ZNF382: variants seen among roughly 807,000 people sequenced by gnomAD.
The protein encoded by ZNF382 is zinc finger protein 382, also known as KRAB/zinc finger suppressor protein 1.
In ZNF382, 20 loss-of-function variants were observed where a neutral mutation model predicts 38.8. The observed-to-expected ratio is 0.51, with a 90% confidence interval of 0.36 to 0.75. The LOEUF (loss-of-function observed/expected upper bound fraction) is 0.75, where lower values mean the gene tolerates loss of function less well. Ranked by LOEUF, ZNF382 falls within the 30% of genes least tolerant of loss-of-function variation. The probability of loss-of-function intolerance (pLI) is 0.00; values close to 1 mark genes in which losing one functional copy is unlikely to be tolerated. For missense variants in ZNF382, 546 were observed against 654.1 expected, an observed-to-expected ratio of 0.83 and a Z score of 1.80; for synonymous variants, 202 against 223.1, an observed-to-expected ratio of 0.91 and a Z score of 0.84.
chr19:36,606,794 C>T lies in ZNF382; in HGVS notation c.-84-758C>T, dbSNP rs372382086. On this transcript the variant is annotated intron_variant, in intron 1 of 4. Coordinates refer to ENST00000292928, the MANE Select transcript of ZNF382 (RefSeq NM_032825.5). ...TGTAGTAATTAAAATAGTTATTTTG[C>T]GGGCCTGGTGCAGTGACTGATGCCT... Among the ~76,000 whole-genome samples, 23 of 152,052 alleles carry T rather than the reference C, an allele frequency of 1.5e-4. 1 individual carries two copies. Among genetic ancestry groups the T allele is most frequent in the African/African-American group, 4.1e-4 (17 of 41,492 alleles).
intron 4 of ZNF382, among the ~76,000 whole-genome samples, chr19:36,617,522 A>G (rs1259197243): frequency 6.6e-6 from 1 of 152,168 alleles, no homozygotes; most frequent in African/African-American, 2.4e-5. Flanking sequence ...GGGTCCAATA[A>G]TCAATCTGTT....
At position 36,632,665 on chromosome 19, in the gene ZNF382, T is replaced by G. The variant is rs1275966663; in HGVS notation, c.*5115T>G. 2.0e-5 allele frequency: 3 copies of G among 152,352 alleles called. No homozygotes were observed. The East Asian group carries it at 5.8e-4, about 29-fold the overall frequency. 9.4% of individuals were successfully genotyped at this position (152,352 alleles called of 1,614,324 possible). On this transcript the variant is annotated 3_prime_UTR_variant, in exon 5 of 5. Transcript: ENST00000292928. ...TACCTTGTATAGCTCACTGGCCTTATCCCAACCAAGAGTCAGAGCCAGACA... is the reference window on the plus strand; with the variant it reads ...TACCTTGTATAGCTCACTGGCCTTAGCCCAACCAAGAGTCAGAGCCAGACA...
Position 36,627,693 on chromosome 19 carries a change from C to A in ZNF382, c.*143C>A. 1.8e-6 allele frequency: 1 copy of A among 561,546 alleles called. No homozygotes were observed. The highest frequency in any genetic ancestry group is 3.1e-6 in the Non-Finnish European group (1 of 320,320). 34.8% of individuals were successfully genotyped at this position (561,546 alleles called of 1,614,324 possible). A position where few individuals can be genotyped will look rare whatever the true frequency, so the allele number is the denominator to read the frequency against. Reference sequence around the variant, plus strand: ...TGCCAGCCTGTAAAACACACACACACACACACACACACACACAAATATTAT... The same window carrying A: ...TGCCAGCCTGTAAAACACACACACAAACACACACACACACACAAATATTAT... On this transcript the variant is annotated 3_prime_UTR_variant, in exon 5 of 5. Coordinates refer to ENST00000292928, the MANE Select transcript of ZNF382 (RefSeq NM_032825.5).
chr19:36,616,594 G>A (rs905042553), intron 4 of ZNF382, among the ~76,000 whole-genome samples: 1 of 152,160 alleles, frequency 6.6e-6, no homozygotes, highest in Admixed American at 6.5e-5. Flanking sequence ...ATGGAACAAG[G>A]TTAGCTGTTC....
chr19:36,623,063 T>C (rs1014987439), intron 4 of ZNF382, among the ~76,000 whole-genome samples: 3 of 152,144 alleles, frequency 2.0e-5, no homozygotes, highest in Non-Finnish European at 4.4e-5. Flanking sequence ...CTCTATTTGG[T>C]TATAATCATT....
At chr19:36,606,493 C>G (rs2037028190) in intron 1 of ZNF382, among the ~76,000 whole-genome samples, 1 of 151,852 alleles carries the variant, frequency 6.6e-6, no homozygotes. Flanking sequence ...GTAGCTGGGA[C>G]TACAGGCTTG....
chr19:36,626,162 A>C lies in ZNF382; in HGVS notation c.265A>C (p.Lys89Gln). Residue 89 changes from lysine to glutamine, a missense_variant, in exon 5 of 5, where the codon AAG (lysine) becomes CAG (glutamine). Coordinates refer to ENST00000292928, the MANE Select transcript of ZNF382 (RefSeq NM_032825.5). ...TGGGAAAACTGAAGATGTCTTAGTGAAGTTCAAAGAATACCAAGACAGGCA... is the reference window on the plus strand; with the variant it reads ...TGGGAAAACTGAAGATGTCTTAGTGCAGTTCAAAGAATACCAAGACAGGCA... Reference protein sequence around the residue: ...EDGKTEDVLVKFKEYQDRHSR... With the variant: ...EDGKTEDVLVQFKEYQDRHSR... 1 of 1,562,244 alleles carries C rather than the reference A, an allele frequency of 6.4e-7. No individual in the cohort carries two copies. The highest frequency in any genetic ancestry group is 8.6e-7 in the Non-Finnish European group (1 of 1,161,466).
chr19:36,606,608 G>A (rs987937857), intron 1 of ZNF382, among the ~76,000 whole-genome samples: 13 of 139,328 alleles, frequency 9.3e-5, no homozygotes, highest in South Asian at 6.9e-4. Context: ...CCCTCCCCCC[G>A]CCCCCTCGGC....
chr19:36,619,396 C>T (rs558985271), intron 4 of ZNF382, among the ~76,000 whole-genome samples: 3 of 152,228 alleles, frequency 2.0e-5, no homozygotes, highest in Admixed American at 1.3e-4. Flanking sequence ...GTGTCTTGTT[C>T]CGATGCTTAT....
chr19:36,626,456 A>C lies in ZNF382; in HGVS notation c.559A>C (p.Lys187Gln). The C allele has an allele frequency of 3.7e-6, 6 of 1,604,738 alleles. No individual in the cohort carries two copies. Among genetic ancestry groups the C allele is most frequent in the Non-Finnish European group, 5.1e-6 (6 of 1,177,374 alleles). ...EKIHPAVNLH[K>Q]QTERVLSGKQ... ...AATTCATCCTGCAGTGAATCTCCAT[A>C]AACAAACAGAAAGAGTTCTCAGTGG... The change falls in exon 5 of 5, where the codon AAA becomes CAA. Residue 187 changes from lysine (K) to glutamine (Q), a missense_variant. Coordinates refer to ENST00000292928, the MANE Select transcript of ZNF382 (RefSeq NM_032825.5).
chr19:36,613,076 C>T (rs559088645), intron 4 of ZNF382, among the ~76,000 whole-genome samples: 59 of 152,324 alleles, frequency 3.9e-4, no homozygotes, highest in African/African-American at 1.4e-3. Flanking sequence ...CAGGCGTGAG[C>T]CACTGCACCT....
rs1438688733 is a variant in ZNF382 at position 36,627,859 on chromosome 19, CATCAGTAAT to C, written c.*311_*319del. 7.9e-5 allele frequency: 21 copies of C among 264,390 alleles called. No individual in the cohort carries two copies. The East Asian group carries it at 1.6e-3, about 20-fold the overall frequency. 16.4% of individuals were successfully genotyped at this position (264,390 alleles called of 1,614,324 possible). On this transcript the variant is annotated 3_prime_UTR_variant, in exon 5 of 5. Coordinates refer to ENST00000292928, the MANE Select transcript of ZNF382 (RefSeq NM_032825.5). ...CCATTTCCATACATATCTTTTTGTTCATCAGTAATAACTAGTTGGCCAACTGACTGTGGT... is the reference window on the plus strand; with the variant it reads ...CCATTTCCATACATATCTTTTTGTTCAACTAGTTGGCCAACTGACTGTGGT...
At chr19:36,616,916 G>A (rs937868424) in intron 4 of ZNF382, among the ~76,000 whole-genome samples, 1 of 152,110 alleles carries the variant, frequency 6.6e-6, no homozygotes, top group African/African-American at 2.4e-5. Context: ...TGGACAGAGG[G>A]ATGGAGGAGT....
chr19:36,616,121 T>C (rs2037124059), intron 4 of ZNF382, among the ~76,000 whole-genome samples: 1 of 152,184 alleles, frequency 6.6e-6, no homozygotes. Context: ...GGCTCACACC[T>C]GTAATTCCAG....
chr19:36,630,853 T>C lies in ZNF382; in HGVS notation c.*3303T>C, dbSNP rs2037249887. 6.6e-6 allele frequency: 1 copy of C among 151,690 alleles called. No homozygotes were observed. The highest frequency in any genetic ancestry group is 6.6e-5 in the Admixed American group (1 of 15,228). The allele number at this position is 151,690 out of a possible 1,614,324, so 9.4% of individuals were successfully genotyped here. Reference sequence around the variant, plus strand: ...AGGCTGGAGTAGAGTGGTGCCATTATAGCTCACTGCAGACTTGAATTCCTG... The same window carrying C: ...AGGCTGGAGTAGAGTGGTGCCATTACAGCTCACTGCAGACTTGAATTCCTG... On this transcript the variant is annotated 3_prime_UTR_variant, in exon 5 of 5. Coordinates refer to ENST00000292928, the MANE Select transcript of ZNF382 (RefSeq NM_032825.5).
chr19:36,612,937 G>A (rs375263337), intron 4 of ZNF382, among the ~76,000 whole-genome samples: 10 of 152,120 alleles, frequency 6.6e-5, no homozygotes, highest in Admixed American at 2.0e-4. Context: ...GATTACAGGC[G>A]TGCGCCACCA....
chr19:36,609,908 C>A lies in ZNF382; in HGVS notation c.-7C>A. On this transcript the variant is annotated 5_prime_UTR_variant, in exon 3 of 5. Coordinates refer to ENST00000292928, the MANE Select transcript of ZNF382 (RefSeq NM_032825.5). ...ACATTTCCGATCACTTCAGGATGAACTAGAGTATGCCCTTACAGGGATCAG... is the reference window on the plus strand; with the variant it reads ...ACATTTCCGATCACTTCAGGATGAAATAGAGTATGCCCTTACAGGGATCAG... 1 of 1,606,676 alleles carries A rather than the reference C, an allele frequency of 6.2e-7. No homozygotes were observed. The highest frequency in any genetic ancestry group is 8.5e-7 in the Non-Finnish European group (1 of 1,177,714).
chr19:36,605,519 T>C (rs1432551161), intron 1 of ZNF382, 172 bp downstream of exon 1: 1 of 152,290 alleles, frequency 6.6e-6, no homozygotes, highest in Admixed American at 6.5e-5. Context: ...GACGCTCCGA[T>C]CTGTACGAGC....
At chr19:36,607,283 A>G (rs1320104082) in intron 1 of ZNF382, among the ~76,000 whole-genome samples, 1 of 152,106 alleles carries the variant, frequency 6.6e-6, no homozygotes, top group Non-Finnish European at 1.5e-5. Flanking sequence ...AGAGCTGCAG[A>G]GGGAAAAACA....
Sources: gnomAD v4.1 joint callset for allele counts (sites outside exome capture counted in the v4.1 genomes callset) on GRCh38, gnomAD v4.1.1 for gene constraint, MANE v1.5 for transcripts, NCBI Gene and HGNC (gene_info 2026-07-23, HGNC 2026-07-21) for gene names.